ATAD3A: variants seen among roughly 807,000 people sequenced by gnomAD.
ATAD3A encodes ATPase family AAA domain containing 3A, also known as ATPase family AAA domain-containing protein 3A.
Under a neutral mutation model 73.8 loss-of-function variants are expected in ATAD3A, and 46 were observed. The ratio of observed to expected loss-of-function variants is 0.62; its 90% CI spans 0.49 to 0.80. ATAD3A has a LOEUF of 0.80. ATAD3A is among the 30% of genes least tolerant of loss of function. The pLI, the probability that ATAD3A is intolerant of heterozygous loss-of-function variation, is 0.00. For missense variants in ATAD3A, 705 were observed against 838.0 expected, an observed-to-expected ratio of 0.84 and a Z score of 1.96; for synonymous variants, 319 against 350.0, an observed-to-expected ratio of 0.91 and a Z score of 0.99.
rs375967157 is a variant in ATAD3A at position 1,524,270 on chromosome 1, C to G, written c.1090-3C>G. 3.9e-5 allele frequency: 63 copies of G among 1,613,816 alleles called. No individual in the cohort carries two copies. Among genetic ancestry groups the G allele is most frequent in the Non-Finnish European group, 4.7e-5 (55 of 1,179,856 alleles). ...TCTGTCTCCCCTCACTCTTCCTGTC[C>G]AGAAACTCGCCCTGCACTCAGGCAT... On this transcript the variant is annotated splice_polypyrimidine_tract_variant and splice_region_variant and intron_variant, in intron 10 of 15. Coordinates refer to ENST00000378756, the MANE Select transcript of ATAD3A (RefSeq NM_001170535.3).
Position 1,519,626 on chromosome 1 carries a change from C to G in ATAD3A, c.515-515C>G, listed in dbSNP as rs554706677. On this transcript the variant is annotated intron_variant, in intron 5 of 15. Coordinates refer to ENST00000378756, the MANE Select transcript of ATAD3A (RefSeq NM_001170535.3). ...GAGTGCTCCAGGCAAACGTCTGTCA[C>G]CACTCTTCACCGTGGGTGGGCTTGT... is the stretch of plus-strand genomic sequence containing the variant. Among the ~76,000 whole-genome samples, 330 of 108,868 alleles carry G rather than the reference C, an allele frequency of 3.0e-3. 5 individuals are homozygous for G. Among genetic ancestry groups the G allele is most frequent in the African/African-American group, 0.011 (313 of 27,410 alleles). The allele number at this position is 108,868 out of a possible 152,430, so 71.4% of individuals were successfully genotyped here.
At chr1:1,528,404 T>C (rs1436501696) in intron 14 of ATAD3A, among the ~76,000 whole-genome samples, 1 of 147,650 alleles carries the variant, frequency 6.8e-6, no homozygotes, top group African/African-American at 2.7e-5. Flanking sequence ...TCTCTCCTCA[T>C]GAGACCCCCG....
At chr1:1,512,662 C>T (rs1175980552) in intron 1 of ATAD3A, 189 bp downstream of exon 1, 9 of 1,372,830 alleles carry the variant, frequency 6.6e-6, no homozygotes, top group East Asian at 4.1e-5. Context: ...CACCCGTTTG[C>T]ACCTCTGCAG....
Position 1,533,945 on chromosome 1 carries a change from A to G in ATAD3A, c.1634A>G (p.Glu545Gly). Residue 545 changes from glutamate (E) to glycine (G), a missense_variant, in exon 16 of 16, where the codon GAG (glutamate) becomes GGG (glycine). Physicochemically the swap from Glu to Gly is moderately conservative, Grantham distance 98. This residue lies in a region of ATAD3A where 252 missense variants were observed against 278.5 expected (regional missense o/e 0.90). Coordinates refer to ENST00000378756, the MANE Select transcript of ATAD3A (RefSeq NM_001170535.3). ...CACTAGGCCACGGCGTATGCCTCCG[A>G]GGACGGGGTCCTGACCGAGGCCATG... ...VSWQATAYAS[E>G]DGVLTEAMMD... is the part of the protein sequence containing the mutation. 1 of 1,613,122 alleles carries G rather than the reference A, an allele frequency of 6.2e-7. No individual in the cohort carries two copies. Among genetic ancestry groups the G allele is most frequent in the Non-Finnish European group, 8.5e-7 (1 of 1,179,888 alleles).
intron 15 of ATAD3A, among the ~76,000 whole-genome samples, chr1:1,533,622 C>T (rs1339781171): frequency 3.3e-5 from 5 of 152,156 alleles, no homozygotes; most frequent in African/African-American, 9.7e-5. Flanking sequence ...CTGCAGTTCC[C>T]ACCTGCCTCT....
Position 1,523,436 on chromosome 1 carries a change from G to T in ATAD3A, c.907-75G>T, listed in dbSNP as rs571514395. The T allele has an allele frequency of 3.8e-6, 6 of 1,567,328 alleles. No individual in the cohort carries two copies. The highest frequency in any genetic ancestry group is 1.2e-5 in the South Asian group (1 of 86,652). On this transcript the variant is annotated intron_variant, in intron 8 of 15. Coordinates refer to ENST00000378756, the MANE Select transcript of ATAD3A (RefSeq NM_001170535.3). This position sits in a 1 kb window ranked among gnomAD's most constrained non-coding sequence, Gnocchi z 5.1. ...GCTCCGTTTCTGCGTGTTACCGAGC[G>T]TGTGTGTGCGCGTTGGTGGCTGTTC...
rs572910502 is a variant in ATAD3A at position 1,534,430 on chromosome 1, T to C, written c.*358T>C. ...CCCGGGGCAGCAGGAGCCAGGCAGGTGATGTCTTTGTTCTCGGCTCCCACA... is the reference window on the plus strand; with the variant it reads ...CCCGGGGCAGCAGGAGCCAGGCAGGCGATGTCTTTGTTCTCGGCTCCCACA... On this transcript the variant is annotated 3_prime_UTR_variant, in exon 16 of 16. Transcript: ENST00000378756. 362 of 1,269,404 alleles carry C rather than the reference T, an allele frequency of 2.9e-4. 3 individuals carry two copies. In the African/African-American group the frequency reaches 5.1e-3, roughly 18 times the overall value. 78.6% of individuals were successfully genotyped at this position (1,269,404 alleles called of 1,614,324 possible).
At chr1:1,526,386 C>A in intron 12 of ATAD3A, 75 bp from the exon 13 acceptor site, 1 of 1,564,806 alleles carries the variant, frequency 6.4e-7, no homozygotes, top group Non-Finnish European at 8.7e-7. Context: ...AGGAGGGAGG[C>A]CTGTGGGACT....
chr1:1,527,897 G>A (rs1019380109), intron 14 of ATAD3A, 35 bp downstream of exon 14: 3 of 1,595,348 alleles, frequency 1.9e-6, no homozygotes, highest in Admixed American at 1.7e-5. Context: ...CCGTCCAGGG[G>A]CCCTCGCTCA....
chr1:1,531,867 G>C (rs1348006812), intron 15 of ATAD3A, among the ~76,000 whole-genome samples: 1 of 151,930 alleles, frequency 6.6e-6, no homozygotes, highest in Admixed American at 6.6e-5. Flanking sequence ...GGCTGAGGCA[G>C]TGGATCTCCT....
intron 3 of ATAD3A, 62 bp downstream of exon 3, chr1:1,517,474 C>G: frequency 7.6e-7 from 1 of 1,315,532 alleles, no homozygotes; most frequent in Non-Finnish European, 1.0e-6. Context: ...TGGGGCAGGA[C>G]TGGGAGCTGG....
In ATAD3A at chr1:1,529,271, C is replaced by G; in HGVS notation, c.1554C>G (p.Val518=). Residue 518 remains valine (V), a synonymous_variant, in exon 15 of 16, where the codon GTC becomes GTG. Coordinates refer to ENST00000378756, the MANE Select transcript of ATAD3A (RefSeq NM_001170535.3). ...QFDYGRKCSE[V]ARLTEGMSGR... ...ACTACGGGAGGAAGTGCTCGGAGGT[C>G]GCTCGGCTGACGGAGGGCATGTCGG... 6.2e-7 allele frequency: 1 copy of G among 1,608,128 alleles called. No individual in the cohort carries two copies. Among genetic ancestry groups the G allele is most frequent in the Non-Finnish European group, 8.5e-7 (1 of 1,178,218 alleles).
chr1:1,529,188 G>A (rs1160791978), intron 14 of ATAD3A, 35 bp from the exon 15 acceptor site: 1 of 1,603,924 alleles, frequency 6.2e-7, no homozygotes, highest in African/African-American at 1.3e-5. Context: ...GGGAGCTGCT[G>A]CCTTGGCCGG....
In ATAD3A at chr1:1,527,752, C is replaced by T. The variant is rs375003587; in HGVS notation, c.1395C>T (p.Asp465=). 2 of 1,613,952 alleles carry T rather than the reference C, an allele frequency of 1.2e-6. No homozygotes were observed. The highest frequency in any genetic ancestry group is 2.2e-5 in the South Asian group (2 of 91,074). Residue 465 remains aspartate (D), a synonymous_variant, in exon 14 of 16, where the codon GAC becomes GAT. Transcript: ENST00000378756. ...AGCAGTTCGACTGGGCCATCAATGACCGCATCAATGAGATGGTCCACTTCG... is the reference window on the plus strand; with the variant it reads ...AGCAGTTCGACTGGGCCATCAATGATCGCATCAATGAGATGGTCCACTTCG... ...QPEQFDWAIN[D]RINEMVHFDL... is the part of the protein sequence containing the mutation.
chr1:1,521,294 T>C (rs2100659908), intron 7 of ATAD3A, among the ~76,000 whole-genome samples: 1 of 112,706 alleles, frequency 8.9e-6, no homozygotes, highest in East Asian at 2.9e-4. Context: ...GTGAGGCTTC[T>C]TCTCAAAAAA....
rs111413167 is a variant in ATAD3A, at chr1:1,516,676, G to C, written c.282+588G>C. On this transcript the variant is annotated intron_variant, in intron 2 of 15. Transcript: ENST00000378756. ...GATCCACCTGCCTCGGCCTCCCAAA[G>C]TGCTGGGATTACAGGCTTGTGCCAC... Among the ~76,000 whole-genome samples, 1,131 of 152,126 alleles carry C rather than the reference G, an allele frequency of 7.4e-3. 18 individuals carry two copies. The highest frequency in any genetic ancestry group is 0.026 in the African/African-American group (1,082 of 41,478).
chr1:1,515,963 C>T (rs373331745), intron 1 of ATAD3A, 49 bp from the exon 2 acceptor site: 100 of 1,606,576 alleles, frequency 6.2e-5, no homozygotes, highest in African/African-American at 1.5e-4. Flanking sequence ...GCCTGCCCAG[C>T]GGCATCCGTG....
Position 1,520,949 on chromosome 1 carries a change from G to T in ATAD3A, c.750+332G>T, listed in dbSNP as rs1641569826. Among the ~76,000 whole-genome samples, 1 of 152,058 alleles carries T rather than the reference G, an allele frequency of 6.6e-6. No homozygotes were observed. Among genetic ancestry groups the T allele is most frequent in the African/African-American group, 2.4e-5 (1 of 41,394 alleles). On this transcript the variant is annotated intron_variant, in intron 7 of 15. Coordinates refer to ENST00000378756, the MANE Select transcript of ATAD3A (RefSeq NM_001170535.3). The surrounding 1 kb of genome is among the most constrained non-coding windows in gnomAD (Gnocchi z 4.0). ...AGCCCAGGGAGGTTGCAGCTGCACT[G>T]AGCTGAGATCGCAGCACTGCACTCC...
At chr1:1,531,794 AAAAT>A (rs528340853) in intron 15 of ATAD3A, among the ~76,000 whole-genome samples, 56 of 151,526 alleles carry the variant, frequency 3.7e-4, no homozygotes, top group Non-Finnish European at 7.4e-4. Context: ...AAAAAAATAA[AAAAT>A]AAAATAATAA....
Sources: allele counts gnomAD v4.1 joint callset (sites outside exome capture counted in the v4.1 genomes callset), GRCh38; gene constraint gnomAD v4.1.1; regional missense constraint gnomAD v4.1.1; non-coding constraint Gnocchi (gnomAD v3.1); transcripts MANE v1.5; gene names NCBI Gene and HGNC (gene_info 2026-07-23, HGNC 2026-07-21).